The following NDUFA13 variants were observed in gnomAD, a reference collection of about 807,000 sequenced individuals.
NDUFA13 encodes NADH dehydrogenase [ubiquinone] 1 alpha subcomplex subunit 13.
In NDUFA13, 16 loss-of-function variants were observed where a neutral mutation model predicts 17.0. That is an observed-to-expected ratio of 0.94 (90% CI 0.64 to 1.43). NDUFA13 has a LOEUF of 1.43. Ranked by LOEUF, NDUFA13 falls within the 40% of genes most tolerant of loss-of-function variation. The pLI is 0.00. For missense variants in NDUFA13, 228 were observed against 206.7 expected (o/e 1.10, Z -0.63); for synonymous variants, 87 against 78.4 (o/e 1.11, Z -0.58).
chr19:19,526,560 C>T (rs2061100530), intron 2 of NDUFA13: 1 of 441,396 alleles, frequency 2.3e-6, no homozygotes, highest in South Asian at 2.1e-5. Flanking sequence ...CTCGCCACCC[C>T]AAAAAATGTG....
chr19:19,522,699 C>T (rs1187215044), intron 1 of NDUFA13, among the ~76,000 whole-genome samples: 2 of 151,984 alleles, frequency 1.3e-5, no homozygotes, highest in East Asian at 1.9e-4. Flanking sequence ...AGGATGGTCT[C>T]GATCTCCTGA....
chr19:19,522,828 G>GC (rs1350330854), intron 1 of NDUFA13, among the ~76,000 whole-genome samples: 1 of 151,920 alleles, frequency 6.6e-6, no homozygotes, highest in Non-Finnish European at 1.5e-5. Flanking sequence ...AAGAAGGAAC[G>GC]CATCCTCATT....
At chr19:19,521,024 T>C (rs1376672729) in intron 1 of NDUFA13, among the ~76,000 whole-genome samples, 1 of 152,240 alleles carries the variant, frequency 6.6e-6, no homozygotes, top group African/African-American at 2.4e-5. Flanking sequence ...ATGTAGATTT[T>C]CATTTTTCCC....
At chr19:19,526,356 A>C in intron 2 of NDUFA13, 96 bp downstream of exon 2, 1 of 1,373,636 alleles carries the variant, frequency 7.3e-7, no homozygotes. Flanking sequence ...CGAGGGGTGA[A>C]CGGGCCCCTT....
intron 2 of NDUFA13, 119 bp from the exon 3 acceptor site, chr19:19,527,162 G>GCCACCCC: frequency 4.8e-6 from 4 of 837,464 alleles, no homozygotes; most frequent in Non-Finnish European, 5.3e-6. Context: ...CCCCCTGCCT[G>GCCACCCC]CCTCCCCGCC....
chr19:19,527,293 C>G lies in NDUFA13; in HGVS notation c.186C>G (p.Ile62Met). 1 of 1,613,930 alleles carries G rather than the reference C, an allele frequency of 6.2e-7. No homozygotes were observed. The highest frequency in any genetic ancestry group is 1.1e-5 in the South Asian group (1 of 91,086). The change falls in exon 3 of 5, where the codon ATC (isoleucine) becomes ATG (methionine). Residue 62 changes from isoleucine to methionine, a missense_variant. By Grantham distance (10) the Ile-to-Met change is conservative (BLOSUM62 1). Transcript: ENST00000507754. ...CGGGCTTTCACAGGCGCCTACAAAT[C>G]GAGGACTTCGAGGCTCGCATCGCGC... ...KWNRERRRLQIEDFEARIALL... is the reference protein window; with the variant it reads ...KWNRERRRLQMEDFEARIALL...
rs549358454 is a variant in NDUFA13 at position 19,527,406 on chromosome 19, G to A, written c.245+54G>A. ...GTCACTGGCCGGAAGGCCCCAGGCT[G>A]CAGGGCCTGACCTGCATCCCCGAAG... On this transcript the variant is annotated intron_variant, in intron 3 of 4. Transcript: ENST00000507754. 3.1e-6 allele frequency: 5 copies of A among 1,596,012 alleles called. No homozygotes were observed. In the Admixed American group the frequency reaches 5.0e-5, roughly 16 times the overall value.
At chr19:19,525,963 CT>C (rs1189436564) in intron 1 of NDUFA13, 1 of 1,395,852 alleles carries the variant, frequency 7.2e-7, no homozygotes, top group African/African-American at 1.5e-5. Flanking sequence ...TGGGGCCCCC[CT>C]AGCAACCACC....
At chr19:19,526,789 C>A in intron 2 of NDUFA13, 1 of 285,238 alleles carries the variant, frequency 3.5e-6, no homozygotes, top group South Asian at 3.4e-5. Context: ...CCCCCAACCC[C>A]AACGCAGGCC....
intron 2 of NDUFA13, 116 bp from the exon 3 acceptor site, chr19:19,527,165 T>TCCCCCCCC: frequency 5.7e-5 from 27 of 470,752 alleles, no homozygotes; most frequent in Middle Eastern, 4.8e-4. Flanking sequence ...CCTGCCTGCC[T>TCCCCCCCC]CCCCGCCCCC....
chr19:19,527,331 T>TA lies in NDUFA13; in HGVS notation c.225dup (p.Gln76ThrfsTer?). The TA allele has an allele frequency of 6.2e-7, 1 of 1,613,956 alleles. No individual in the cohort carries two copies. Among genetic ancestry groups the TA allele is most frequent in the Non-Finnish European group, 8.5e-7 (1 of 1,180,004 alleles). ...GCTCGCATCGCGCTGTTGCCACTGTTACAGGCAGAAACCGACCGGAGGTAG... is the reference window on the plus strand; with the variant it reads ...GCTCGCATCGCGCTGTTGCCACTGTTAACAGGCAGAAACCGACCGGAGGTAG... On this transcript the variant is annotated frameshift_variant, in exon 3 of 5. Coordinates refer to ENST00000507754, the MANE Select transcript of NDUFA13 (RefSeq NM_015965.7). LOFTEE classifies it high-confidence loss of function.
At chr19:19,527,943 G>T in intron 4 of NDUFA13, 64 bp from the exon 5 acceptor site, 1 of 1,587,012 alleles carries the variant, frequency 6.3e-7, no homozygotes, top group East Asian at 2.2e-5. Context: ...GATCCTGGGG[G>T]ATGGGTCCTA....
Position 19,516,271 on chromosome 19 carries a change from T to G in NDUFA13, c.33T>G (p.Pro11=). The G allele has an allele frequency of 1.2e-6, 2 of 1,613,828 alleles. No homozygotes were observed. Among genetic ancestry groups the G allele is most frequent in the Non-Finnish European group, 1.7e-6 (2 of 1,180,010 alleles). MAASKVKQDM[P]PPGGYGPIDY... ...CGTCAAAGGTGAAGCAGGACATGCC[T>G]CCGCCGGGGGGCTATGGGCCCATCG... The change falls in exon 1 of 5, where the codon CCT becomes CCG. Residue 11 remains proline, a synonymous_variant. Coordinates refer to ENST00000507754, the MANE Select transcript of NDUFA13 (RefSeq NM_015965.7).
At chr19:19,526,475 T>C in intron 2 of NDUFA13, 1 of 615,468 alleles carries the variant, frequency 1.6e-6, no homozygotes, top group Non-Finnish European at 2.9e-6. Context: ...CCCAGCACTT[T>C]GGGAGGCCAA....
intron 1 of NDUFA13, among the ~76,000 whole-genome samples, chr19:19,517,013 C>T (rs2061052560): frequency 6.6e-6 from 1 of 152,124 alleles, no homozygotes. Context: ...TCTCGAACTC[C>T]CAACCTCGGA....
chr19:19,516,257 A>C lies in NDUFA13; in HGVS notation c.19A>C (p.Lys7Gln), dbSNP rs756338889. The change falls in exon 1 of 5, where the codon AAG (lysine) becomes CAG (glutamine). Residue 7 changes from lysine (K) to glutamine (Q), a missense_variant. Physicochemically the swap from Lys to Gln is moderately conservative, Grantham distance 53 (BLOSUM62 1). Coordinates refer to ENST00000507754, the MANE Select transcript of NDUFA13 (RefSeq NM_015965.7). MAASKVKQDMPPPGGYG... is the reference protein window; with the variant it reads MAASKVQQDMPPPGGYG... ...TGCGAGTATGGCGGCGTCAAAGGTG[A>C]AGCAGGACATGCCTCCGCCGGGGGG... The C allele has an allele frequency of 6.2e-7, 1 of 1,614,006 alleles. No homozygotes were observed. Among genetic ancestry groups the C allele is most frequent in the South Asian group, 1.1e-5 (1 of 91,084 alleles).
In NDUFA13 at chr19:19,526,146, G is replaced by C. The variant is rs375807935; in HGVS notation, c.95-36G>C. 18 of 1,609,170 alleles carry C rather than the reference G, an allele frequency of 1.1e-5. No individual in the cohort carries two copies. In the South Asian group the frequency reaches 2.0e-4, roughly 18 times the overall value. On this transcript the variant is annotated intron_variant, in intron 1 of 4. Transcript: ENST00000507754. ...GAGCTGTGGAGGAGGGTGTCTGGGG[G>C]CGGGCTGGCCCGCTGAGCAGCGCCT...
rs150120334 is a variant in NDUFA13, at chr19:19,528,075, C to T, written c.384C>T (p.Arg128=). 47 of 1,611,786 alleles carry T rather than the reference C, an allele frequency of 2.9e-5. No homozygotes were observed. The African/African-American group carries it at 5.5e-4, about 19-fold the overall frequency. ...TGATCGGGGAGCTGTACGGGCTGCG[C>T]ACCACAGAGGAGGCTCTCCATGCCA... ...PPLIGELYGL[R]TTEEALHASH... Residue 128 remains arginine, a synonymous_variant, in exon 5 of 5, where the codon CGC becomes CGT. Coordinates refer to ENST00000507754, the MANE Select transcript of NDUFA13 (RefSeq NM_015965.7).
At position 19,516,260 on chromosome 19, in the gene NDUFA13, C is replaced by T. The variant is rs777712324; in HGVS notation, c.22C>T (p.Gln8Ter). Residue 8 changes from glutamine to a stop codon, truncating the protein, a stop_gained, in exon 1 of 5, where the codon CAG (glutamine) becomes TAG (stop). Transcript: ENST00000507754. LOFTEE classifies it high-confidence loss of function. ...GAGTATGGCGGCGTCAAAGGTGAAG[C>T]AGGACATGCCTCCGCCGGGGGGCTA... MAASKVK[Q>*]DMPPPGGYGP... 6.2e-7 allele frequency: 1 copy of T among 1,613,898 alleles called. No homozygotes were observed. Among genetic ancestry groups the T allele is most frequent in the Non-Finnish European group, 8.5e-7 (1 of 1,180,040 alleles).
Sources: allele counts gnomAD v4.1 joint callset (sites outside exome capture counted in the v4.1 genomes callset), GRCh38; gene constraint gnomAD v4.1.1; transcripts MANE v1.5; gene names NCBI Gene and HGNC (gene_info 2026-07-23, HGNC 2026-07-21).